Variants in PEPD observed in about 807,000 individuals in gnomAD.
The protein encoded by PEPD is peptidase D, also known as xaa-Pro dipeptidase.
PEPD carries 53 observed loss-of-function variants against 60.7 expected under a neutral mutation model. That is an observed-to-expected ratio of 0.87 (90% CI 0.70 to 1.10). The LOEUF (loss-of-function observed/expected upper bound fraction) is 1.10. Among genes scored for constraint, PEPD ranks in the 50% least tolerant of loss-of-function variants. PEPD has a pLI of 0.00. For synonymous variants in PEPD, 267 were observed against 284.1 expected (o/e 0.94, Z 0.60); for missense variants, 711 against 711.9 (o/e 1.00, Z 0.01).
intron 5 of PEPD, among the ~76,000 whole-genome samples, chr19:33,490,291 A>T (rs1391955802): frequency 1.3e-5 from 2 of 152,222 alleles, no homozygotes; most frequent in Non-Finnish European, 2.9e-5. Context: ...ACTCTGCAGC[A>T]TCCCAGCTGC....
intron 1 of PEPD, among the ~76,000 whole-genome samples, chr19:33,520,016 A>G (rs1267499803): frequency 6.6e-6 from 1 of 151,902 alleles, no homozygotes; most frequent in Non-Finnish European, 1.5e-5. Flanking sequence ...GCAGTGAGCC[A>G]TCATGCCATT....
At chr19:33,464,790 T>C (rs954759041) in intron 7 of PEPD, among the ~76,000 whole-genome samples, 1 of 152,066 alleles carries the variant, frequency 6.6e-6, no homozygotes, top group African/African-American at 2.4e-5. Flanking sequence ...TTGTGTTAAT[T>C]TGCCCAAATG....
At chr19:33,518,736 C>T (rs543837089) in intron 1 of PEPD, among the ~76,000 whole-genome samples, 12 of 152,088 alleles carry the variant, frequency 7.9e-5, no homozygotes, top group African/African-American at 2.2e-4. Flanking sequence ...ACTGGCCCTG[C>T]GGATACAAAA....
At position 33,478,992 on chromosome 19, in the gene PEPD, G is replaced by A. The variant is rs536810078; in HGVS notation, c.504-902C>T. ...GACTTAAAAGACAACTGAATAAAGC[G>A]ATAATTGTAAATCTGTATTGATAAG... On this transcript the variant is annotated intron_variant, in intron 6 of 14. Coordinates refer to ENST00000244137, the MANE Select transcript of PEPD (RefSeq NM_000285.4). 4.3e-4 allele frequency among the ~76,000 whole-genome samples: 65 copies of A among 152,192 alleles called. 2 individuals carry two copies. In the South Asian group the frequency reaches 0.013, roughly 31 times the overall value.
intron 11 of PEPD, among the ~76,000 whole-genome samples, chr19:33,409,455 A>T (rs1248294232): frequency 6.6e-6 from 1 of 152,252 alleles, no homozygotes; most frequent in Non-Finnish European, 1.5e-5. Context: ...GGATCACTTA[A>T]GTCCAGGAAT....
chr19:33,393,330 G>C (rs1434184822), intron 12 of PEPD, among the ~76,000 whole-genome samples: 1 of 151,024 alleles, frequency 6.6e-6, no homozygotes, highest in African/African-American at 2.5e-5. Flanking sequence ...AGCCCGGGCA[G>C]ACCTGGGGCA....
chr19:33,489,277 G>A (rs998957948), intron 6 of PEPD, among the ~76,000 whole-genome samples: 12 of 152,218 alleles, frequency 7.9e-5, no homozygotes, highest in African/African-American at 2.2e-4. Flanking sequence ...TAGGACAGCA[G>A]GGGACACAGG....
Position 33,512,683 on chromosome 19 carries a change from G to T in PEPD, c.111C>A (p.Asn37Lys), listed in dbSNP as rs765289799. 5.0e-6 allele frequency: 8 copies of T among 1,614,012 alleles called. No homozygotes were observed. Among genetic ancestry groups the T allele is most frequent in the Middle Eastern group, 1.7e-4 (1 of 6,056 alleles). ...CGATGGAGCCGGCCTGCACAGCAGG[G>T]TTCTTCCGCAGCCGCTCACACAGGC... ...RQRLCERLRK[N>K]PAVQAGSIVV... Residue 37 changes from asparagine to lysine, a missense_variant, in exon 2 of 15, where the codon AAC becomes AAA. Physicochemically the swap from Asn to Lys is moderately conservative, Grantham distance 94 (BLOSUM62 0). Transcript: ENST00000244137.
At chr19:33,400,974 G>A (rs888803102) in intron 12 of PEPD, among the ~76,000 whole-genome samples, 1 of 152,308 alleles carries the variant, frequency 6.6e-6, no homozygotes, top group East Asian at 1.9e-4. Context: ...CTTGTTGGGA[G>A]GATGCTGGCT....
intron 9 of PEPD, among the ~76,000 whole-genome samples, chr19:33,461,505 C>T (rs1969926021): frequency 6.6e-6 from 1 of 152,152 alleles, no homozygotes; most frequent in African/African-American, 2.4e-5. Flanking sequence ...GCCTGCAGCA[C>T]GGGGCTCAAG....
intron 12 of PEPD, among the ~76,000 whole-genome samples, chr19:33,401,123 C>G (rs750663029): frequency 6.6e-6 from 1 of 152,168 alleles, no homozygotes; most frequent in African/African-American, 2.4e-5. Flanking sequence ...CTACGCTGGC[C>G]GCTGGGAGAG....
chr19:33,436,147 G>C (rs1969371334), intron 9 of PEPD, among the ~76,000 whole-genome samples: 1 of 151,922 alleles, frequency 6.6e-6, no homozygotes, highest in Admixed American at 6.6e-5. Context: ...GGAGGAGAAG[G>C]AAGATGGAGG....
chr19:33,470,558 G>T (rs932758787), intron 7 of PEPD, among the ~76,000 whole-genome samples: 6 of 152,030 alleles, frequency 3.9e-5, no homozygotes, highest in Non-Finnish European at 8.8e-5. Flanking sequence ...TAGTCTAGAC[G>T]AATCCTCAGA....
intron 3 of PEPD, among the ~76,000 whole-genome samples, chr19:33,502,368 G>A (rs1457896758): frequency 6.6e-6 from 1 of 152,170 alleles, no homozygotes; most frequent in Admixed American, 6.5e-5. Context: ...GTGTTTCCTG[G>A]GCTGTCAAGG....
chr19:33,501,152 C>G, intron 3 of PEPD, 151 bp from the exon 4 acceptor site: 1 of 707,850 alleles, frequency 1.4e-6, no homozygotes, highest in Non-Finnish European at 2.6e-6. Context: ...CCGAACAGGT[C>G]GGCCCAACAC....
chr19:33,500,585 C>T (rs905978486), intron 4 of PEPD, among the ~76,000 whole-genome samples: 2 of 152,214 alleles, frequency 1.3e-5, no homozygotes, highest in African/African-American at 2.4e-5. Flanking sequence ...TCGAGACACA[C>T]GAAGACCCCG....
intron 9 of PEPD, among the ~76,000 whole-genome samples, chr19:33,434,954 C>A (rs1340050073): frequency 6.6e-6 from 1 of 152,098 alleles, no homozygotes; most frequent in Admixed American, 6.5e-5. Context: ...CCCCTGAGGA[C>A]GGCCTGGAGG....
intron 6 of PEPD, 44 bp from the exon 7 acceptor site, chr19:33,478,134 T>G: frequency 1.4e-6 from 2 of 1,388,788 alleles, no homozygotes; most frequent in Non-Finnish European, 2.0e-6. Flanking sequence ...CAACGGTCTG[T>G]CATGTCCCAG....
At chr19:33,498,998 T>C (rs1315917113) in intron 4 of PEPD, among the ~76,000 whole-genome samples, 1 of 152,072 alleles carries the variant, frequency 6.6e-6, no homozygotes, top group Non-Finnish European at 1.5e-5. Flanking sequence ...TAAGAAACAG[T>C]TTCTGGGGCA....
Sources: gnomAD v4.1 joint callset for allele counts (sites outside exome capture counted in the v4.1 genomes callset) on GRCh38, gnomAD v4.1.1 for gene constraint, MANE v1.5 for transcripts, NCBI Gene and HGNC (gene_info 2026-07-23, HGNC 2026-07-21) for gene names.